The following BMP6 variants were observed in gnomAD, a reference collection of about 807,000 sequenced individuals.
BMP6 encodes VG-1-R.
BMP6 carries 17 observed loss-of-function variants against 54.1 expected under a neutral mutation model. That is an observed-to-expected ratio of 0.31 (90% CI 0.22 to 0.47). The LOEUF (loss-of-function observed/expected upper bound fraction) is 0.47. BMP6 is among the 20% of genes least tolerant of loss of function. The pLI, the probability that BMP6 is intolerant of heterozygous loss-of-function variation, is 1.00. For missense variants in BMP6, 720 were observed against 690.4 expected (o/e 1.04, Z -0.48); for synonymous variants, 328 against 291.2 (o/e 1.13, Z -1.28).
At chr6:7,759,839 G>A (rs1250832746) in intron 1 of BMP6, among the ~76,000 whole-genome samples, 3 of 150,952 alleles carry the variant, frequency 2.0e-5, no homozygotes, top group African/African-American at 4.9e-5. Flanking sequence ...AAGTAGCTGG[G>A]ATTACAGGTG....
intron 1 of BMP6, among the ~76,000 whole-genome samples, chr6:7,783,620 C>T (rs1280110817): frequency 1.3e-5 from 2 of 152,254 alleles, no homozygotes; most frequent in African/African-American, 4.8e-5. Context: ...GTCTGCAAAT[C>T]AGAGGCATTG....
chr6:7,827,511 G>T (rs1758718521), intron 1 of BMP6, among the ~76,000 whole-genome samples: 2 of 152,082 alleles, frequency 1.3e-5, no homozygotes, highest in South Asian at 4.2e-4. Flanking sequence ...CCTTCCCTCA[G>T]ATATATACTT....
intron 1 of BMP6, among the ~76,000 whole-genome samples, chr6:7,735,367 A>C (rs1483823404): frequency 6.6e-6 from 1 of 152,190 alleles, no homozygotes; most frequent in Non-Finnish European, 1.5e-5. Flanking sequence ...GAGATTTCTT[A>C]TAATATTAGC....
At chr6:7,728,344 C>G (rs1171255908) in intron 1 of BMP6, among the ~76,000 whole-genome samples, 2 of 152,210 alleles carry the variant, frequency 1.3e-5, no homozygotes, top group Non-Finnish European at 2.9e-5. Flanking sequence ...CAATGCAGCC[C>G]AAGCTGCACG....
At chr6:7,821,815 A>G (rs1758615467) in intron 1 of BMP6, among the ~76,000 whole-genome samples, 1 of 152,216 alleles carries the variant, frequency 6.6e-6, no homozygotes, top group South Asian at 2.1e-4. Context: ...TAAGCAAGAC[A>G]TTCTCCACTG....
intron 2 of BMP6, among the ~76,000 whole-genome samples, chr6:7,845,646 T>C (rs1206270767): frequency 6.6e-6 from 1 of 152,234 alleles, no homozygotes; most frequent in African/African-American, 2.4e-5. Flanking sequence ...TTTTGAATGA[T>C]AGGTGAGAGT....
At chr6:7,841,080 G>A (rs1047624044) in intron 1 of BMP6, among the ~76,000 whole-genome samples, 5 of 152,226 alleles carry the variant, frequency 3.3e-5, no homozygotes, top group Admixed American at 1.3e-4. Context: ...TATTGACTCC[G>A]TGGCTTTGGC....
chr6:7,795,973 T>C (rs954064404), intron 1 of BMP6, among the ~76,000 whole-genome samples: 1 of 152,094 alleles, frequency 6.6e-6, no homozygotes, highest in Admixed American at 6.6e-5. Context: ...CCTTGGGAGA[T>C]AGCAAGTACG....
chr6:7,856,757 C>T (rs995686252), intron 2 of BMP6, among the ~76,000 whole-genome samples: 38 of 150,198 alleles, frequency 2.5e-4, no homozygotes, highest in South Asian at 8.6e-4. Flanking sequence ...CCACTACGCC[C>T]GGCTAATTTT....
chr6:7,726,810 T>C lies in BMP6; in HGVS notation c.-146T>C. The C allele has an allele frequency of 5.6e-6, 2 of 354,000 alleles. No individual in the cohort carries two copies. Among genetic ancestry groups the C allele is most frequent in the Non-Finnish European group, 8.3e-6 (2 of 241,836 alleles). The allele number at this position is 354,000 out of a possible 1,614,324, so 21.9% of individuals were successfully genotyped here. On this transcript the variant is annotated 5_prime_UTR_variant, in exon 1 of 7. Transcript: ENST00000283147. The stretch of plus-strand genomic sequence containing the variant: ...GGGCGCCCCGGACGACCATGAGAGA[T>C]AAGGACTGAGGGCCAGGAAGGGGAA...
intron 1 of BMP6, among the ~76,000 whole-genome samples, chr6:7,746,974 G>A (rs771914878): frequency 2.6e-5 from 4 of 152,178 alleles, no homozygotes; most frequent in Non-Finnish European, 5.9e-5. Context: ...GTCATCTCCT[G>A]GGGGTGGGGA....
chr6:7,876,579 G>A (rs1253968464), intron 4 of BMP6, among the ~76,000 whole-genome samples: 1 of 152,132 alleles, frequency 6.6e-6, no homozygotes, highest in Admixed American at 6.5e-5. Context: ...CAAATATACT[G>A]TTGAATTCTT....
intron 2 of BMP6, among the ~76,000 whole-genome samples, chr6:7,857,098 G>A (rs1554125447): frequency 6.6e-6 from 1 of 152,194 alleles, no homozygotes; most frequent in Non-Finnish European, 1.5e-5. Flanking sequence ...TGTCAGCCCA[G>A]TGGTGTATCA....
chr6:7,833,754 A>G (rs933481459), intron 1 of BMP6, among the ~76,000 whole-genome samples: 2 of 152,230 alleles, frequency 1.3e-5, no homozygotes, highest in Non-Finnish European at 2.9e-5. Context: ...AATGCTTTGT[A>G]AACTCTTCAG....
At chr6:7,874,855 A>G (rs1215917427) in intron 4 of BMP6, among the ~76,000 whole-genome samples, 1 of 152,230 alleles carries the variant, frequency 6.6e-6, no homozygotes, top group African/African-American at 2.4e-5. Context: ...TAACTATTGA[A>G]TAATAATTTA....
intron 1 of BMP6, among the ~76,000 whole-genome samples, chr6:7,843,452 T>C (rs1321121738): frequency 1.3e-5 from 2 of 151,360 alleles, no homozygotes; most frequent in Admixed American, 6.6e-5. Flanking sequence ...TCTTTTTTTT[T>C]TTTTTAAGAA....
chr6:7,747,906 A>G (rs530979080), intron 1 of BMP6, among the ~76,000 whole-genome samples: 8 of 151,952 alleles, frequency 5.3e-5, no homozygotes, highest in Admixed American at 3.9e-4. Flanking sequence ...TCAGCCTCCC[A>G]AAGTGCTGGG....
intron 1 of BMP6, among the ~76,000 whole-genome samples, chr6:7,801,100 A>C (rs2113197844): frequency 6.6e-6 from 1 of 152,332 alleles, no homozygotes; most frequent in South Asian, 2.1e-4. Context: ...GGCAAAAATG[A>C]AGCAAAATAT....
rs1759744159 is a variant in BMP6 at position 7,881,645 on chromosome 6, TGTGCTTCTCTAG to T, written c.*1304_*1315del. On this transcript the variant is annotated 3_prime_UTR_variant, in exon 7 of 7. Transcript: ENST00000283147. Reference sequence around the variant, plus strand: ...TTGTGTGTACAAGACTCTTGACAGTTGTGCTTCTCTAGGAGGTTGGGTTTTTTTAAAAAAAGA... The same window carrying T: ...TTGTGTGTACAAGACTCTTGACAGTTGAGGTTGGGTTTTTTTAAAAAAAGA... 1 of 152,010 alleles carries T rather than the reference TGTGCTTCTCTAG, an allele frequency of 6.6e-6. No homozygotes were observed. The highest frequency in any genetic ancestry group is 2.4e-5 in the African/African-American group (1 of 41,334). 9.4% of individuals were successfully genotyped at this position (152,010 alleles called of 1,614,324 possible). A position where few individuals can be genotyped will look rare whatever the true frequency, so the allele number is the denominator to read the frequency against.
Sources: allele counts gnomAD v4.1 joint callset (sites outside exome capture counted in the v4.1 genomes callset), GRCh38; gene constraint gnomAD v4.1.1; transcripts MANE v1.5; gene names NCBI Gene and HGNC (gene_info 2026-07-23, HGNC 2026-07-21).